Variants in OXR1 observed in about 807,000 individuals in gnomAD.
The protein encoded by OXR1 is oxidation resistance 1.
Under a neutral mutation model 104.6 loss-of-function variants are expected in OXR1, and 41 were observed. The observed-to-expected ratio is 0.39, with a 90% CI of 0.31 to 0.51. The LOEUF (loss-of-function observed/expected upper bound fraction) is 0.51. OXR1 is among the 20% of genes least tolerant of loss of function. The pLI, the probability that OXR1 is intolerant of heterozygous loss-of-function variation, is 0.77. For synonymous variants in OXR1, 348 were observed against 348.4 expected (o/e 1.00, Z 0.01); for missense variants, 955 against 1,031.9 (o/e 0.93, Z 1.02).
intron 16 of OXR1, among the ~76,000 whole-genome samples, chr8:106,750,365 G>A (rs112256499): frequency 8.4e-5 from 11 of 130,326 alleles, no homozygotes; most frequent in East Asian, 2.2e-4. Context: ...CACTCTTGTC[G>A]CGCAGGCTGG....
At chr8:106,494,315 C>A (rs1012584211) in intron 2 of OXR1, among the ~76,000 whole-genome samples, 1 of 152,116 alleles carries the variant, frequency 6.6e-6, no homozygotes, top group African/African-American at 2.4e-5. Context: ...GTTTTTGTAG[C>A]ATTTGATGAA....
chr8:106,739,728 A>G, intron 13 of OXR1, 145 bp downstream of exon 13: 1 of 688,602 alleles, frequency 1.5e-6, no homozygotes, highest in Non-Finnish European at 2.4e-6. Flanking sequence ...AGCAAAACAT[A>G]GCAACTAGTG....
intron 3 of OXR1, among the ~76,000 whole-genome samples, chr8:106,634,961 T>C (rs976633647): frequency 6.6e-6 from 1 of 152,150 alleles, no homozygotes; most frequent in African/African-American, 2.4e-5. Flanking sequence ...CCCTACTGAA[T>C]CTTAAGATCC....
At chr8:106,502,152 C>G (rs976788387) in intron 2 of OXR1, among the ~76,000 whole-genome samples, 19 of 152,188 alleles carry the variant, frequency 1.2e-4, no homozygotes, top group Non-Finnish European at 2.9e-5. Context: ...GCAATAGCTT[C>G]ATAAATGTGC....
At chr8:106,739,919 C>T (rs952162378) in intron 13 of OXR1, among the ~76,000 whole-genome samples, 5 of 152,092 alleles carry the variant, frequency 3.3e-5, no homozygotes, top group Admixed American at 6.6e-5. Context: ...GAGCACAGAG[C>T]GATTAACTTG....
chr8:106,323,399 A>G (rs1021453494), intron 1 of OXR1, among the ~76,000 whole-genome samples: 1 of 152,134 alleles, frequency 6.6e-6, no homozygotes, highest in African/African-American at 2.4e-5. Flanking sequence ...TAAATATAAA[A>G]CCCAAAACCC....
At chr8:106,695,743 ATG>A (rs1485526288) in intron 7 of OXR1, among the ~76,000 whole-genome samples, 1 of 152,118 alleles carries the variant, frequency 6.6e-6, no homozygotes, top group Non-Finnish European at 1.5e-5. Context: ...TCAAAATTAT[ATG>A]TGTGTTTATA....
intron 3 of OXR1, among the ~76,000 whole-genome samples, chr8:106,536,898 C>G (rs1399228870): frequency 6.6e-6 from 1 of 152,130 alleles, no homozygotes; most frequent in Non-Finnish European, 1.5e-5. Context: ...CATGAGAATT[C>G]AAATCCACAA....
chr8:106,454,907 C>T (rs1220723407), intron 2 of OXR1, among the ~76,000 whole-genome samples: 1 of 152,168 alleles, frequency 6.6e-6, no homozygotes, highest in Non-Finnish European at 1.5e-5. Flanking sequence ...TTCCGCCTTG[C>T]CACCCTCTGA....
chr8:106,614,873 G>A (rs1821090649), intron 3 of OXR1, among the ~76,000 whole-genome samples: 1 of 152,212 alleles, frequency 6.6e-6, no homozygotes, highest in African/African-American at 2.4e-5. Flanking sequence ...CAATGCAAAT[G>A]TAGATAGTAT....
rs374249113 is a variant in OXR1, at chr8:106,278,976, G to C, written c.-139+8609G>C. Reference sequence around the variant, plus strand: ...AGTTTCCAACATGGGAGGTGGGGGAGATACTTTAGCACAATGCAGTTCAAA... The same window carrying C: ...AGTTTCCAACATGGGAGGTGGGGGACATACTTTAGCACAATGCAGTTCAAA... On this transcript the variant is annotated intron_variant, in intron 1 of 16. Coordinates refer to ENST00000517566, the MANE Select transcript of OXR1 (RefSeq NM_001198533.2). 4.0e-4 allele frequency among the ~76,000 whole-genome samples: 61 copies of C among 152,218 alleles called. 2 individuals carry two copies. In the East Asian group the frequency reaches 5.4e-3, roughly 13 times the overall value.
At chr8:106,618,106 C>T (rs1821389886) in intron 3 of OXR1, 2 of 1,535,934 alleles carry the variant, frequency 1.3e-6, no homozygotes, top group Non-Finnish European at 1.7e-6. Context: ...ATTCCTGTCT[C>T]CTCTTCTTGA....
At chr8:106,537,696 G>GAAGAAT (rs889948294) in intron 3 of OXR1, among the ~76,000 whole-genome samples, 1 of 151,754 alleles carries the variant, frequency 6.6e-6, no homozygotes, top group Non-Finnish European at 1.5e-5. Context: ...AGAAGAAGAA[G>GAAGAAT]AAGAATTCTA....
intron 3 of OXR1, among the ~76,000 whole-genome samples, chr8:106,547,642 A>G (rs1222341673): frequency 6.6e-6 from 1 of 151,760 alleles, no homozygotes; most frequent in Non-Finnish European, 1.5e-5. Flanking sequence ...ACAGGTGCAC[A>G]TGACCATGCC....
intron 3 of OXR1, among the ~76,000 whole-genome samples, chr8:106,641,470 T>C (rs1224686953): frequency 2.0e-5 from 3 of 152,208 alleles, no homozygotes; most frequent in Non-Finnish European, 2.9e-5. Flanking sequence ...TATTGAATAT[T>C]GTGTCTAGAT....
intron 2 of OXR1, among the ~76,000 whole-genome samples, chr8:106,461,969 A>G (rs1202656022): frequency 2.0e-5 from 3 of 152,200 alleles, no homozygotes; most frequent in African/African-American, 7.2e-5. Context: ...GACTCACTTT[A>G]AAGGGACTTG....
chr8:106,565,232 T>C (rs1816980619), intron 3 of OXR1, among the ~76,000 whole-genome samples: 1 of 152,166 alleles, frequency 6.6e-6, no homozygotes, highest in Non-Finnish European at 1.5e-5. Flanking sequence ...AAAACCCTAT[T>C]GTCTCATCCC....
intron 2 of OXR1, among the ~76,000 whole-genome samples, chr8:106,425,092 T>G (rs1010339726): frequency 1.7e-4 from 24 of 143,594 alleles, no homozygotes; most frequent in Non-Finnish European, 3.2e-4. Context: ...GGTTTTTTTT[T>G]TTTTTTTTTT....
At chr8:106,558,906 A>G (rs1169611645) in intron 3 of OXR1, among the ~76,000 whole-genome samples, 2 of 152,214 alleles carry the variant, frequency 1.3e-5, no homozygotes, top group Admixed American at 6.5e-5. Flanking sequence ...CATTATATAC[A>G]TACTTCTTGG....
Sources: allele counts gnomAD v4.1 joint callset (sites outside exome capture counted in the v4.1 genomes callset), GRCh38; gene constraint gnomAD v4.1.1; transcripts MANE v1.5; gene names NCBI Gene and HGNC (gene_info 2026-07-23, HGNC 2026-07-21).